APBB2: variants seen among roughly 807,000 people sequenced by gnomAD.
The protein encoded by APBB2 is amyloid beta precursor protein binding family B member 2.
In APBB2, 38 loss-of-function variants were observed where a neutral mutation model predicts 82.5. The observed-to-expected ratio is 0.46, with a 90% CI of 0.36 to 0.60. The LOEUF is 0.60. Among genes scored for constraint, APBB2 ranks in the 20% least tolerant of loss-of-function variants. The pLI is 0.00. For synonymous variants in APBB2, 341 were observed against 368.2 expected, an observed-to-expected ratio of 0.93 and a Z score of 0.85; for missense variants, 772 against 972.3, an observed-to-expected ratio of 0.79 and a Z score of 2.74.
At chr4:41,029,645 T>C (rs771920511) in intron 5 of APBB2, among the ~76,000 whole-genome samples, 3 of 152,250 alleles carry the variant, frequency 2.0e-5, no homozygotes, top group Non-Finnish European at 4.4e-5. Context: ...TTCCACAATG[T>C]ATACACATTT....
At chr4:41,176,408 G>A (rs1052719824) in intron 1 of APBB2, among the ~76,000 whole-genome samples, 1 of 151,830 alleles carries the variant, frequency 6.6e-6, no homozygotes, top group Non-Finnish European at 1.5e-5. Context: ...TTAAACCAGA[G>A]CCCTCAGAGG....
chr4:40,970,925 T>C (rs531279633), intron 6 of APBB2, among the ~76,000 whole-genome samples: 23 of 152,298 alleles, frequency 1.5e-4, no homozygotes, highest in Non-Finnish European at 2.5e-4. Context: ...ACAGTACATA[T>C]ACATTTGCCC....
At chr4:41,053,098 G>C (rs1024466917) in intron 4 of APBB2, among the ~76,000 whole-genome samples, 1 of 152,086 alleles carries the variant, frequency 6.6e-6, no homozygotes, top group African/African-American at 2.4e-5. Flanking sequence ...AGGATACATA[G>C]GGTAACTGCA....
At chr4:41,022,389 A>G (rs1711974604) in intron 5 of APBB2, among the ~76,000 whole-genome samples, 1 of 152,154 alleles carries the variant, frequency 6.6e-6, no homozygotes, top group South Asian at 2.1e-4. Context: ...AATGATGTAC[A>G]TGGAGTTAAT....
At chr4:40,940,150 A>G (rs1786461801) in intron 7 of APBB2, among the ~76,000 whole-genome samples, 1 of 152,216 alleles carries the variant, frequency 6.6e-6, no homozygotes, top group African/African-American at 2.4e-5. Context: ...AAAGTGACAT[A>G]CCACAGGTAA....
intron 3 of APBB2, among the ~76,000 whole-genome samples, chr4:41,072,568 G>A (rs1290064660): frequency 1.3e-5 from 2 of 152,154 alleles, no homozygotes; most frequent in Non-Finnish European, 2.9e-5. Flanking sequence ...CACAGGGCAC[G>A]GCCTCTGAAC....
chr4:41,060,784 G>T (rs1377240653), intron 4 of APBB2, among the ~76,000 whole-genome samples: 1 of 152,124 alleles, frequency 6.6e-6, no homozygotes, highest in Admixed American at 6.5e-5. Flanking sequence ...GTTACCAAAA[G>T]ATGGATCCAC....
chr4:41,119,399 G>T (rs553405140), intron 2 of APBB2, among the ~76,000 whole-genome samples: 3 of 150,696 alleles, frequency 2.0e-5, no homozygotes, highest in Non-Finnish European at 4.4e-5. Flanking sequence ...AACATGTTTC[G>T]GGCTCCAAGT....
chr4:41,113,220 G>A (rs1003693204), intron 2 of APBB2, among the ~76,000 whole-genome samples: 1 of 152,122 alleles, frequency 6.6e-6, no homozygotes, highest in African/African-American at 2.4e-5. Context: ...AATTTATATG[G>A]ACTTCCTTAC....
intron 1 of APBB2, among the ~76,000 whole-genome samples, chr4:41,166,123 C>T (rs1766518934): frequency 6.6e-6 from 1 of 151,144 alleles, no homozygotes; most frequent in Non-Finnish European, 1.5e-5. Context: ...ATCCGCCCGC[C>T]TCGGCCTCCC....
chr4:41,122,972 G>GCC, intron 2 of APBB2, among the ~76,000 whole-genome samples: 1 of 152,204 alleles, frequency 6.6e-6, no homozygotes, highest in South Asian at 2.1e-4. Flanking sequence ...GGGGGCCTAT[G>GCC]CCCCTGCAGT....
At chr4:41,197,820 C>T in intron 1 of APBB2, among the ~76,000 whole-genome samples, 3 of 152,198 alleles carry the variant, frequency 2.0e-5, no homozygotes, top group Admixed American at 6.5e-5. Flanking sequence ...ACGAATAAGT[C>T]TCCCCCATTT....
chr4:41,209,784 T>C (rs939766922), intron 1 of APBB2, among the ~76,000 whole-genome samples: 2 of 151,026 alleles, frequency 1.3e-5, no homozygotes, highest in African/African-American at 5.0e-5. Context: ...ATGACAACCA[T>C]TTTATAACAA....
At chr4:41,213,781 G>C (rs978107333) in intron 1 of APBB2, among the ~76,000 whole-genome samples, 1 of 152,136 alleles carries the variant, frequency 6.6e-6, no homozygotes, top group African/African-American at 2.4e-5. Flanking sequence ...CTAGTTAAAC[G>C]CTCTCTCTGC....
At chr4:40,852,897 G>A (rs937707622) in intron 12 of APBB2, among the ~76,000 whole-genome samples, 12 of 152,052 alleles carry the variant, frequency 7.9e-5, no homozygotes, top group Non-Finnish European at 1.3e-4. Context: ...GGGGACACTC[G>A]GCCTCCCAAA....
chr4:41,044,423 CCTT>C (rs1364471567), intron 4 of APBB2, among the ~76,000 whole-genome samples: 1 of 152,124 alleles, frequency 6.6e-6, no homozygotes, highest in East Asian at 1.9e-4. Context: ...TTGATAGCTT[CCTT>C]GTTACCTATT....
At chr4:41,134,535 A>C (rs992319881) in intron 2 of APBB2, among the ~76,000 whole-genome samples, 3 of 152,168 alleles carry the variant, frequency 2.0e-5, no homozygotes, top group Non-Finnish European at 4.4e-5. Flanking sequence ...ACCACTTCAT[A>C]GGCAGTGCTT....
intron 1 of APBB2, among the ~76,000 whole-genome samples, chr4:41,194,562 A>T: frequency 6.6e-6 from 1 of 152,204 alleles, no homozygotes; most frequent in Non-Finnish European, 1.5e-5. Context: ...AGGCGCCTGT[A>T]GTCCCCGCTA....
rs1199077983 is a variant in APBB2, at chr4:41,124,607, C to T, written c.-261+18380G>A. On this transcript the variant is annotated intron_variant, in intron 2 of 17. Coordinates refer to ENST00000508593, the MANE Select transcript of APBB2 (RefSeq NM_004307.2). ...GATTTGGCCTCCAAGCTGTAGTTTG[C>T]TGATCTCTGGTTTAAATCATTTCTC... Among the ~76,000 whole-genome samples, 3 of 152,276 alleles carry T rather than the reference C, an allele frequency of 2.0e-5. No homozygotes were observed. The East Asian group carries it at 5.8e-4, about 29-fold the overall frequency.
Sources: allele counts gnomAD v4.1 joint callset (sites outside exome capture counted in the v4.1 genomes callset), GRCh38; gene constraint gnomAD v4.1.1; transcripts MANE v1.5; gene names NCBI Gene and HGNC (gene_info 2026-07-23, HGNC 2026-07-21).